The following SUSD1 variants were observed in gnomAD, a reference collection of about 807,000 sequenced individuals.
SUSD1 encodes the protein sushi domain-containing protein 1.
In SUSD1, 65 loss-of-function variants were observed where a neutral mutation model predicts 86.9. The observed-to-expected ratio is 0.75, with a 90% confidence interval of 0.61 to 0.92. SUSD1 has a LOEUF of 0.92. Ranked by LOEUF, SUSD1 falls within the 40% of genes least tolerant of loss-of-function variation. SUSD1 has a pLI of 0.00. For synonymous variants in SUSD1, 346 were observed against 350.0 expected, an observed-to-expected ratio of 0.99 and a Z score of 0.13; for missense variants, 850 against 929.7, an observed-to-expected ratio of 0.91 and a Z score of 1.11.
chr9:112,073,549 C>A (rs7875641), intron 12 of SUSD1, among the ~76,000 whole-genome samples: 35,908 of 138,060 alleles, frequency 0.26, 5,011 homozygotes, highest in East Asian at 0.37. Flanking sequence ...CTTTCTCTCT[C>A]TATATAAGAA....
At chr9:112,138,598 G>A (rs1416665715) in intron 5 of SUSD1, among the ~76,000 whole-genome samples, 2 of 151,270 alleles carry the variant, frequency 1.3e-5, no homozygotes, top group South Asian at 4.2e-4. Context: ...ACAGGTGCAC[G>A]CCACCACGCC....
At chr9:112,158,486 G>A (rs989735297) in intron 1 of SUSD1, among the ~76,000 whole-genome samples, 3 of 151,944 alleles carry the variant, frequency 2.0e-5, no homozygotes, top group Non-Finnish European at 4.4e-5. Context: ...GACCTCCCGG[G>A]CTCATGCAAT....
At chr9:112,157,816 C>CTTT (rs1226073813) in intron 1 of SUSD1, among the ~76,000 whole-genome samples, 1 of 138,432 alleles carries the variant, frequency 7.2e-6, no homozygotes, top group African/African-American at 2.9e-5. Flanking sequence ...CAATGTCTTT[C>CTTT]TTTCTTTCTT....
rs147195421 is a variant in SUSD1 at position 112,043,811 on chromosome 9, T to C, written c.2150-1851A>G. Among the ~76,000 whole-genome samples the C allele has an allele frequency of 5.9e-5, 9 of 152,338 alleles. No individual in the cohort carries two copies. In the East Asian group the frequency reaches 1.7e-3, roughly 29 times the overall value. On this transcript the variant is annotated intron_variant, in intron 15 of 16. Coordinates refer to ENST00000374270, the MANE Select transcript of SUSD1 (RefSeq NM_022486.5). ...GTTTTATTTTATTTTTATTTATTAT[T>C]ATTTTTTGAGACAGAGTCTTGCTCT...
At chr9:112,172,760 G>A (rs7043510) in intron 1 of SUSD1, among the ~76,000 whole-genome samples, 121,845 of 152,078 alleles carry the variant, frequency 0.8, 48,971 homozygotes, top group African/African-American at 0.85. Context: ...CATTCAGTCC[G>A]TTTCTGCTGT....
chr9:112,120,877 A>T (rs1028347384), intron 6 of SUSD1, among the ~76,000 whole-genome samples: 6 of 152,232 alleles, frequency 3.9e-5, no homozygotes, highest in African/African-American at 1.4e-4. Flanking sequence ...GCAATGAAGC[A>T]AATGGCTGAG....
At chr9:112,173,996 C>A in intron 1 of SUSD1, 2 of 180,814 alleles carry the variant, frequency 1.1e-5, no homozygotes, top group South Asian at 2.0e-4. Context: ...CTGTGGCTCC[C>A]GAAGCGCCTA....
intron 8 of SUSD1, among the ~76,000 whole-genome samples, chr9:112,108,315 A>G (rs989823558): frequency 4.6e-5 from 7 of 152,220 alleles, no homozygotes; most frequent in Middle Eastern, 3.2e-3. Flanking sequence ...CAAGGGAGAA[A>G]GAAACATTAA....
At chr9:112,126,498 T>A (rs1025858170) in intron 5 of SUSD1, among the ~76,000 whole-genome samples, 1 of 152,200 alleles carries the variant, frequency 6.6e-6, no homozygotes, top group African/African-American at 2.4e-5. Flanking sequence ...AATCAGTAAC[T>A]TGTTCTCTAG....
chr9:112,157,990 A>AT (rs368323000), intron 1 of SUSD1, among the ~76,000 whole-genome samples: 20 of 146,210 alleles, frequency 1.4e-4, no homozygotes, highest in Admixed American at 2.0e-4. Flanking sequence ...CACCTGGCTA[A>AT]TTTTTTTTTT....
intron 12 of SUSD1, among the ~76,000 whole-genome samples, chr9:112,066,256 G>C (rs986111260): frequency 1.3e-5 from 2 of 152,198 alleles, no homozygotes; most frequent in African/African-American, 4.8e-5. Flanking sequence ...GTAAGGAACA[G>C]AGCTTGGGGG....
intron 5 of SUSD1, among the ~76,000 whole-genome samples, chr9:112,141,805 G>A (rs985674194): frequency 2.2e-5 from 3 of 138,594 alleles, no homozygotes; most frequent in Admixed American, 1.5e-4. Context: ...TGTATATATT[G>A]TATATTATAT....
At chr9:112,173,546 C>T (rs1287588513) in intron 1 of SUSD1, 2 of 326,206 alleles carry the variant, frequency 6.1e-6, no homozygotes, top group South Asian at 5.8e-5. Context: ...TTGTAGGGGC[C>T]TGAGCTCCTT....
At chr9:112,060,640 G>GAGATAAAGTCTT (rs1828678920) in intron 13 of SUSD1, among the ~76,000 whole-genome samples, 1 of 152,168 alleles carries the variant, frequency 6.6e-6, no homozygotes, top group African/African-American at 2.4e-5. Flanking sequence ...TTTCAGCCAA[G>GAGATAAAGTCTT]GGCTTTCTAC....
chr9:112,157,959 G>A (rs2131822938), intron 1 of SUSD1, among the ~76,000 whole-genome samples: 1 of 151,686 alleles, frequency 6.6e-6, no homozygotes, highest in Middle Eastern at 3.4e-3. Context: ...AAGTAGCTGG[G>A]ACTATAGGCA....
intron 5 of SUSD1, among the ~76,000 whole-genome samples, chr9:112,135,471 A>G (rs1053697207): frequency 2.0e-5 from 3 of 152,114 alleles, no homozygotes; most frequent in Non-Finnish European, 2.9e-5. Context: ...ATGTTAAGGG[A>G]AAAAAAGGGC....
chr9:112,170,710 T>TATATATATATATATATAG (rs758442726), intron 1 of SUSD1, among the ~76,000 whole-genome samples: 27 of 113,816 alleles, frequency 2.4e-4, no homozygotes, highest in African/African-American at 4.6e-4. Flanking sequence ...TATATATATA[T>TATATATATATATATATAG]AGAGAGAGAG....
At chr9:112,151,080 C>G (rs1833023683) in intron 2 of SUSD1, among the ~76,000 whole-genome samples, 1 of 152,206 alleles carries the variant, frequency 6.6e-6, no homozygotes, top group Admixed American at 6.5e-5. Flanking sequence ...GCAGCTAGCA[C>G]TACAGGCACA....
chr9:112,093,111 G>GTAC (rs1312234473), intron 10 of SUSD1, among the ~76,000 whole-genome samples: 3 of 152,152 alleles, frequency 2.0e-5, no homozygotes, highest in African/African-American at 4.8e-5. Context: ...AGAGATCAGT[G>GTAC]ACCTTGCTTG....
Sources: gnomAD v4.1 joint callset for allele counts (sites outside exome capture counted in the v4.1 genomes callset) on GRCh38, gnomAD v4.1.1 for gene constraint, MANE v1.5 for transcripts, NCBI Gene and HGNC (gene_info 2026-07-23, HGNC 2026-07-21) for gene names.